FRMPD4: variants seen among roughly 807,000 people sequenced by gnomAD.
FRMPD4 encodes FERM and PDZ domain-containing protein 4.
A neutral mutation model predicts 94.1 loss-of-function variants in FRMPD4; 22 were observed. That is an observed-to-expected ratio of 0.23 (90% confidence interval 0.17 to 0.33). The LOEUF (loss-of-function observed/expected upper bound fraction) is 0.33, where lower values mean the gene tolerates loss of function less well. Among genes scored for constraint, FRMPD4 ranks in the 10% least tolerant of loss-of-function variants. The pLI, the probability that FRMPD4 is intolerant of heterozygous loss-of-function variation, is 1.00. For synonymous variants in FRMPD4, 631 were observed against 548.6 expected (o/e 1.15, Z -2.10); for missense variants, 1,111 against 1,339.9 (o/e 0.83, Z 2.67).
intron 1 of FRMPD4, among the ~76,000 whole-genome samples, chrX:12,484,978 G>A (rs1029314212): frequency 4.5e-5 from 5 of 112,247 alleles, no homozygotes; most frequent in African/African-American, 6.5e-5. Context: ...AGGTCCAGAT[G>A]GTAAATATTT....
intron 1 of FRMPD4, among the ~76,000 whole-genome samples, chrX:12,225,004 G>A (rs2056907351): frequency 9.0e-6 from 1 of 111,268 alleles, no homozygotes; most frequent in South Asian, 3.8e-4. Flanking sequence ...TTGAGAAGCA[G>A]CTGCACCAGA....
chrX:12,283,403 T>G (rs1034971892), intron 1 of FRMPD4, among the ~76,000 whole-genome samples: 1 of 113,034 alleles, frequency 8.8e-6, no homozygotes. Context: ...TTTGTGCCAA[T>G]AAACTGATGA....
chrX:11,842,994 GA>G (rs2053547874), intron 1 of FRMPD4, among the ~76,000 whole-genome samples: 1 of 111,810 alleles, frequency 8.9e-6, no homozygotes, highest in Admixed American at 9.5e-5. Context: ...ATTTTACTGA[GA>G]ATTTTTGTCA....
At chrX:12,191,915 A>G (rs939827854) in intron 1 of FRMPD4, among the ~76,000 whole-genome samples, 2 of 111,832 alleles carry the variant, frequency 1.8e-5, no homozygotes, top group African/African-American at 6.5e-5. Flanking sequence ...ATTGATTGTA[A>G]TAAATGTACC....
At chrX:12,201,894 TAAAC>T (rs1277879866) in intron 1 of FRMPD4, among the ~76,000 whole-genome samples, 2 of 111,986 alleles carry the variant, frequency 1.8e-5, no homozygotes, top group Non-Finnish European at 3.8e-5. Flanking sequence ...AAAGAGATAA[TAAAC>T]AAACTGATGG....
chrX:12,684,321 T>A (rs1209896988), intron 6 of FRMPD4, among the ~76,000 whole-genome samples: 1 of 112,563 alleles, frequency 8.9e-6, no homozygotes, highest in Non-Finnish European at 1.9e-5. Flanking sequence ...TCTGTTGGTA[T>A]TGTTTAAATA....
At chrX:12,476,823 T>C (rs1204960003) in intron 1 of FRMPD4, among the ~76,000 whole-genome samples, 2 of 111,564 alleles carry the variant, frequency 1.8e-5, no homozygotes, top group Admixed American at 1.9e-4. Context: ...CAACAGGTGC[T>C]GGAGAGGATA....
chrX:12,553,191 A>AGAAG (rs1305834285), intron 2 of FRMPD4, among the ~76,000 whole-genome samples: 2 of 109,579 alleles, frequency 1.8e-5, no homozygotes, highest in Non-Finnish European at 3.8e-5. Flanking sequence ...AAAGAAAGAA[A>AGAAG]GAGAGAGAGA....
chrX:12,308,416 A>G (rs2054977759), intron 1 of FRMPD4, among the ~76,000 whole-genome samples: 1 of 111,692 alleles, frequency 9.0e-6, no homozygotes, highest in Non-Finnish European at 1.9e-5. Context: ...GGATTCTGTT[A>G]CTGCGACCAC....
chrX:12,176,616 T>C (rs1313906655), intron 1 of FRMPD4, among the ~76,000 whole-genome samples: 1 of 112,601 alleles, frequency 8.9e-6, no homozygotes, highest in Non-Finnish European at 1.9e-5. Context: ...TACAAGTTTA[T>C]TTTAGGACAA....
At chrX:12,412,080 G>A (rs1239594504) in intron 1 of FRMPD4, among the ~76,000 whole-genome samples, 2 of 112,166 alleles carry the variant, frequency 1.8e-5, no homozygotes, top group African/African-American at 6.5e-5. Context: ...CTAATCATGT[G>A]ATGATTCAAT....
At chrX:12,107,376 A>G (rs766956438) in intron 3 of FRMPD4, among the ~76,000 whole-genome samples, 7 of 112,088 alleles carry the variant, frequency 6.2e-5, no homozygotes, top group Non-Finnish European at 1.3e-4. Flanking sequence ...CAGAAAGGGC[A>G]TCCACACCAA....
chrX:12,411,028 A>T (rs2056726539), intron 1 of FRMPD4, among the ~76,000 whole-genome samples: 1 of 112,108 alleles, frequency 8.9e-6, no homozygotes, highest in South Asian at 3.7e-4. Context: ...ACTCAGAATC[A>T]CTGATGTCCA....
chrX:12,253,720 A>T (rs372373961), intron 1 of FRMPD4, among the ~76,000 whole-genome samples: 1 of 111,813 alleles, frequency 8.9e-6, no homozygotes. Context: ...TACAGGTTTC[A>T]GGAAGGAGTG....
At chrX:12,608,255 C>T (rs1405569538) in intron 2 of FRMPD4, among the ~76,000 whole-genome samples, 1 of 112,767 alleles carries the variant, frequency 8.9e-6, no homozygotes, top group Non-Finnish European at 1.9e-5. Context: ...TCTGGCATAC[C>T]AGCCATGGGC....
At chrX:12,573,814 C>T (rs1046663640) in intron 2 of FRMPD4, among the ~76,000 whole-genome samples, 9 of 111,739 alleles carry the variant, frequency 8.1e-5, no homozygotes, top group African/African-American at 2.9e-4. Context: ...TACACAATGG[C>T]GTTTTTTGGA....
intron 1 of FRMPD4, among the ~76,000 whole-genome samples, chrX:12,376,186 A>T (rs2056234652): frequency 8.9e-6 from 1 of 112,233 alleles, no homozygotes; most frequent in African/African-American, 3.2e-5. Context: ...TTTTGAACTG[A>T]TATTTATAGT....
intron 1 of FRMPD4, among the ~76,000 whole-genome samples, chrX:12,375,520 T>C (rs186419618): frequency 8.9e-6 from 1 of 112,546 alleles, no homozygotes; most frequent in Non-Finnish European, 1.9e-5. Flanking sequence ...ACTGGATCCT[T>C]CTCATGCTTC....
At chrX:12,155,031 T>G (rs2055912916) in intron 1 of FRMPD4, among the ~76,000 whole-genome samples, 1 of 112,023 alleles carries the variant, frequency 8.9e-6, no homozygotes, top group African/African-American at 3.2e-5. Flanking sequence ...AATTTTCCCT[T>G]AGAGAATCTC....
Sources: gnomAD v4.1 joint callset for allele counts (sites outside exome capture counted in the v4.1 genomes callset) on GRCh38, gnomAD v4.1.1 for gene constraint, MANE v1.5 for transcripts, NCBI Gene and HGNC (gene_info 2026-07-23, HGNC 2026-07-21) for gene names.